Variants in CTNNA2 observed in about 807,000 individuals in gnomAD.
CTNNA2 encodes catenin alpha-2.
A neutral mutation model predicts 101.0 loss-of-function variants in CTNNA2; 42 were observed. The observed-to-expected ratio is 0.42, with a 90% CI of 0.32 to 0.54. CTNNA2 has a LOEUF of 0.54. CTNNA2 is among the 20% of genes least tolerant of loss of function. CTNNA2 has a pLI of 0.14. For missense variants in CTNNA2, 871 were observed against 1,223.1 expected, an observed-to-expected ratio of 0.71 and a Z score of 4.29; for synonymous variants, 450 against 456.4, an observed-to-expected ratio of 0.99 and a Z score of 0.18.
chr2:80,179,165 G>T (rs1332476451), intron 7 of CTNNA2, among the ~76,000 whole-genome samples: 2 of 152,222 alleles, frequency 1.3e-5, no homozygotes, highest in African/African-American at 4.8e-5. Flanking sequence ...ATCAGTGGCT[G>T]CATACCAGTT....
chr2:80,555,125 G>A (rs992308426), intron 11 of CTNNA2, among the ~76,000 whole-genome samples: 3 of 148,860 alleles, frequency 2.0e-5, no homozygotes, highest in Non-Finnish European at 4.4e-5. Flanking sequence ...TATACCGTGT[G>A]CATGACATAA....
At chr2:80,074,723 C>A (rs571742455) in intron 7 of CTNNA2, among the ~76,000 whole-genome samples, 1 of 152,172 alleles carries the variant, frequency 6.6e-6, no homozygotes, top group African/African-American at 2.4e-5. Flanking sequence ...AGATGAGGTT[C>A]AAATGGTCTA....
At chr2:79,420,945 C>G (rs1174185831) in intron 4 of CTNNA2, among the ~76,000 whole-genome samples, 1 of 152,082 alleles carries the variant, frequency 6.6e-6, no homozygotes, top group African/African-American at 2.4e-5. Context: ...TAAGTAACTT[C>G]AAGTAGCATT....
chr2:80,268,515 T>C (rs1437335961), intron 7 of CTNNA2, among the ~76,000 whole-genome samples: 1 of 152,180 alleles, frequency 6.6e-6, no homozygotes, highest in Admixed American at 6.5e-5. Flanking sequence ...TCATTTTTCA[T>C]TTGGAGACAA....
At chr2:79,248,698 A>C (rs550167038) in intron 2 of CTNNA2, among the ~76,000 whole-genome samples, 1 of 152,292 alleles carries the variant, frequency 6.6e-6, no homozygotes, top group Admixed American at 6.5e-5. Context: ...CAAGGTGTGC[A>C]TCAGGCCTGG....
chr2:79,888,993 T>A (rs1684100231), intron 6 of CTNNA2, among the ~76,000 whole-genome samples: 1 of 152,232 alleles, frequency 6.6e-6, no homozygotes, highest in Non-Finnish European at 1.5e-5. Context: ...TTTGATTTTT[T>A]AATCTTTAAA....
At chr2:80,156,303 G>A (rs558268106) in intron 7 of CTNNA2, among the ~76,000 whole-genome samples, 2 of 152,136 alleles carry the variant, frequency 1.3e-5, no homozygotes, top group Non-Finnish European at 2.9e-5. Flanking sequence ...AAGTCCTCAC[G>A]TTAGAAATAT....
At chr2:79,211,381 C>T (rs1435278385) in intron 2 of CTNNA2, among the ~76,000 whole-genome samples, 1 of 152,064 alleles carries the variant, frequency 6.6e-6, no homozygotes, top group South Asian at 2.1e-4. Context: ...ACCAAACAGG[C>T]TTTGTGTGAG....
intron 4 of CTNNA2, among the ~76,000 whole-genome samples, chr2:79,501,908 T>G (rs529447278): frequency 1.2e-3 from 181 of 151,942 alleles, no homozygotes; most frequent in Non-Finnish European, 2.1e-3. Flanking sequence ...AACCCTCAAA[T>G]CTCATTGAAC....
intron 7 of CTNNA2, among the ~76,000 whole-genome samples, chr2:79,938,841 G>A (rs1171686726): frequency 6.6e-6 from 1 of 152,122 alleles, no homozygotes; most frequent in African/African-American, 2.4e-5. Flanking sequence ...GATTTTAATT[G>A]GGTTTTAAAG....
intron 2 of CTNNA2, among the ~76,000 whole-genome samples, chr2:79,203,293 A>T (rs955410327): frequency 6.6e-6 from 1 of 152,228 alleles, no homozygotes; most frequent in Admixed American, 6.5e-5. Flanking sequence ...ATCCAAATTC[A>T]TTAGAAAATA....
chr2:80,052,385 G>A (rs1017566308), intron 7 of CTNNA2, among the ~76,000 whole-genome samples: 32 of 152,120 alleles, frequency 2.1e-4, no homozygotes, highest in Admixed American at 1.4e-3. Flanking sequence ...TATGATACAG[G>A]TATTATGCAT....
chr2:79,408,220 T>G (rs1020945165), intron 4 of CTNNA2, among the ~76,000 whole-genome samples: 5 of 151,936 alleles, frequency 3.3e-5, no homozygotes, highest in African/African-American at 1.2e-4. Flanking sequence ...AAGTACAGCC[T>G]TAGAGCCTGG....
At chr2:79,258,788 A>G (rs1674881457) in intron 2 of CTNNA2, among the ~76,000 whole-genome samples, 1 of 140,864 alleles carries the variant, frequency 7.1e-6, no homozygotes, top group Admixed American at 7.4e-5. Context: ...TTGTGCACCT[A>G]GGCCTACAGG....
intron 1 of CTNNA2, among the ~76,000 whole-genome samples, chr2:79,617,459 T>C (rs1678702558): frequency 6.6e-6 from 1 of 152,234 alleles, no homozygotes; most frequent in African/African-American, 2.4e-5. Context: ...TTTCACCATA[T>C]CTTCTTTTCA....
At chr2:80,078,809 T>C (rs1289674230) in intron 7 of CTNNA2, among the ~76,000 whole-genome samples, 3 of 152,184 alleles carry the variant, frequency 2.0e-5, no homozygotes, top group Non-Finnish European at 4.4e-5. Flanking sequence ...CCCCCTATGT[T>C]TTGTGAAGCA....
At chr2:80,545,403 G>C (rs113673029) in intron 10 of CTNNA2, among the ~76,000 whole-genome samples, 2,973 of 149,840 alleles carry the variant, frequency 0.02, 99 homozygotes, top group African/African-American at 0.072. Flanking sequence ...AACTAGCTGG[G>C]TGTGGTGGGG....
chr2:79,323,661 G>C lies in CTNNA2; in HGVS notation c.-318+10865G>C, dbSNP rs13429593. 3.3e-5 allele frequency among the ~76,000 whole-genome samples: 5 copies of C among 152,194 alleles called. No individual in the cohort carries two copies. The East Asian group carries it at 9.7e-4, about 29-fold the overall frequency. On this transcript the variant is annotated intron_variant, in intron 3 of 21. Transcript: ENST00000466387. ...ACCTCATTCAGAATTCTGTTCAATTGAATCTGTTGGTTCTTCCCTTTTTAG... is the reference window on the plus strand; with the variant it reads ...ACCTCATTCAGAATTCTGTTCAATTCAATCTGTTGGTTCTTCCCTTTTTAG...
intron 7 of CTNNA2, among the ~76,000 whole-genome samples, chr2:80,108,890 G>A (rs1701044192): frequency 7.1e-6 from 1 of 141,438 alleles, no homozygotes; most frequent in South Asian, 2.2e-4. Flanking sequence ...TGCTCCCAAG[G>A]GTGTAGATTT....
Sources: gnomAD v4.1 joint callset for allele counts (sites outside exome capture counted in the v4.1 genomes callset) on GRCh38, gnomAD v4.1.1 for gene constraint, MANE v1.5 for transcripts, NCBI Gene and HGNC (gene_info 2026-07-23, HGNC 2026-07-21) for gene names.